The following KCNQ5 variants were observed in gnomAD, a reference collection of about 807,000 sequenced individuals.
KCNQ5 encodes potassium voltage-gated channel subfamily Q member 5.
KCNQ5 carries 30 observed loss-of-function variants against 98.2 expected under a neutral mutation model. That is an observed-to-expected ratio of 0.31 (90% CI 0.23 to 0.41). The LOEUF is 0.41. KCNQ5 is among the 10% of genes least tolerant of loss of function. The pLI is 1.00. For missense variants in KCNQ5, 835 were observed against 1,182.5 expected, an observed-to-expected ratio of 0.71 and a Z score of 4.31; for synonymous variants, 458 against 449.4, an observed-to-expected ratio of 1.02 and a Z score of -0.24.
chr6:72,631,717 A>G (rs2098920882), intron 1 of KCNQ5, among the ~76,000 whole-genome samples: 2 of 152,246 alleles, frequency 1.3e-5, no homozygotes, highest in African/African-American at 4.8e-5. Flanking sequence ...TATTTAGGCC[A>G]TATGTTCACT....
At chr6:73,055,342 G>A (rs1402179628) in intron 3 of KCNQ5, 6 of 1,437,550 alleles carry the variant, frequency 4.2e-6, no homozygotes, top group Non-Finnish European at 4.9e-6. Context: ...TGAGGACTTG[G>A]CGCCTCAATG....
In KCNQ5 at chr6:73,046,589, T is replaced by C. The variant is rs370073387; in HGVS notation, c.616+4527T>C. 2.0e-3 allele frequency among the ~76,000 whole-genome samples: 287 copies of C among 145,456 alleles called. 2 individuals carry two copies. The highest frequency in any genetic ancestry group is 6.4e-3 in the African/African-American group (258 of 40,430). The stretch of plus-strand genomic sequence containing the variant: ...TAATGTCCTTATTTATTTTATTTTA[T>C]TTTACTTTACTTTATTTTATTCTAT... On this transcript the variant is annotated intron_variant, in intron 3 of 13. Coordinates refer to ENST00000370398, the MANE Select transcript of KCNQ5 (RefSeq NM_019842.4).
At chr6:72,949,286 T>C (rs1562087603) in intron 1 of KCNQ5, among the ~76,000 whole-genome samples, 1 of 152,196 alleles carries the variant, frequency 6.6e-6, no homozygotes, top group Non-Finnish European at 1.5e-5. Context: ...TTGGCTCTCA[T>C]GGTCTAGGCC....
chr6:72,919,338 C>T (rs1780293761), intron 1 of KCNQ5, among the ~76,000 whole-genome samples: 2 of 152,166 alleles, frequency 1.3e-5, no homozygotes, highest in South Asian at 4.1e-4. Flanking sequence ...CTATTGCCAC[C>T]TATGCTGTGT....
At chr6:72,674,334 T>C (rs1032170302) in intron 1 of KCNQ5, among the ~76,000 whole-genome samples, 1 of 152,118 alleles carries the variant, frequency 6.6e-6, no homozygotes, top group African/African-American at 2.4e-5. Context: ...TGGAGATCCT[T>C]AAGAAAGTGG....
At chr6:73,028,679 T>A (rs540155808) in intron 2 of KCNQ5, among the ~76,000 whole-genome samples, 2 of 152,376 alleles carry the variant, frequency 1.3e-5, no homozygotes, top group South Asian at 4.1e-4. Context: ...AGACTCTTAG[T>A]TCTGAATAGA....
intron 1 of KCNQ5, among the ~76,000 whole-genome samples, chr6:72,664,370 C>G (rs868181530): frequency 3.3e-5 from 5 of 152,020 alleles, no homozygotes; most frequent in South Asian, 2.1e-4. Flanking sequence ...ATTTGGAAAT[C>G]AGGCCGGGTG....
chr6:72,786,959 T>C (rs1298312877), intron 1 of KCNQ5, among the ~76,000 whole-genome samples: 4 of 143,206 alleles, frequency 2.8e-5, no homozygotes, highest in Non-Finnish European at 3.0e-5. Context: ...GAGCCGAGAT[T>C]GTGCCACTGT....
chr6:72,793,095 G>A (rs763744287), intron 1 of KCNQ5, among the ~76,000 whole-genome samples: 5 of 152,162 alleles, frequency 3.3e-5, no homozygotes, highest in South Asian at 2.1e-4. Context: ...TCTACAGTGC[G>A]TAGGGCATTT....
intron 1 of KCNQ5, among the ~76,000 whole-genome samples, chr6:72,879,126 T>C (rs553774606): frequency 6.6e-6 from 1 of 152,314 alleles, no homozygotes; most frequent in African/African-American, 2.4e-5. Context: ...CTCTGGGGTC[T>C]AAATCCAGAA....
chr6:72,897,802 G>A, intron 1 of KCNQ5, among the ~76,000 whole-genome samples: 1 of 152,146 alleles, frequency 6.6e-6, no homozygotes, highest in Non-Finnish European at 1.5e-5. Context: ...GGGGATGGGG[G>A]CCAGTGGAAG....
intron 1 of KCNQ5, among the ~76,000 whole-genome samples, chr6:72,732,291 GC>G (rs1268046858): frequency 2.0e-5 from 3 of 152,124 alleles, no homozygotes; most frequent in Non-Finnish European, 2.9e-5. Flanking sequence ...ACCTGAGGAA[GC>G]CTGAGTAGGG....
In KCNQ5 at chr6:72,666,086, C is replaced by A. The variant is rs1178160673; in HGVS notation, c.398+43499C>A. Among the ~76,000 whole-genome samples the A allele has an allele frequency of 3.9e-5, 6 of 152,166 alleles. No homozygotes were observed. In the East Asian group the frequency reaches 1.2e-3, roughly 29 times the overall value. ...TGTGGGAGTAAAATAGGAGTAATTT[C>A]ATAGCTTCTCCGTATAATTGCACTG... On this transcript the variant is annotated intron_variant, in intron 1 of 13. Transcript: ENST00000370398.
chr6:72,888,362 G>A (rs1199416065), intron 1 of KCNQ5, among the ~76,000 whole-genome samples: 1 of 152,160 alleles, frequency 6.6e-6, no homozygotes, highest in Non-Finnish European at 1.5e-5. Context: ...GAAACTGCAA[G>A]TACTTTAATA....
intron 1 of KCNQ5, among the ~76,000 whole-genome samples, chr6:72,859,491 C>T (rs996147127): frequency 3.0e-4 from 45 of 152,092 alleles, no homozygotes; most frequent in African/African-American, 1.1e-3. Flanking sequence ...ATCTTTGCTT[C>T]TCCTAAAATG....
chr6:72,954,554 TG>T (rs1307773107), intron 1 of KCNQ5, among the ~76,000 whole-genome samples: 43 of 151,942 alleles, frequency 2.8e-4, no homozygotes, highest in South Asian at 8.3e-4. Flanking sequence ...TGTGTGTGTG[TG>T]TGTGTGTGTT....
intron 1 of KCNQ5, among the ~76,000 whole-genome samples, chr6:72,626,883 G>A (rs776789082): frequency 6.6e-6 from 1 of 152,216 alleles, no homozygotes; most frequent in Non-Finnish European, 1.5e-5. Context: ...TCACCAGTCT[G>A]ACATGTGGTA....
At chr6:72,774,167 T>C (rs192182993) in intron 1 of KCNQ5, among the ~76,000 whole-genome samples, 48 of 152,286 alleles carry the variant, frequency 3.2e-4, no homozygotes, top group East Asian at 2.5e-3. Flanking sequence ...TCTTCTAAAA[T>C]AGGGGTTGGC....
chr6:73,162,099 G>A (rs1032801224), intron 10 of KCNQ5, among the ~76,000 whole-genome samples: 1 of 126,850 alleles, frequency 7.9e-6, no homozygotes, highest in Admixed American at 8.1e-5. Context: ...TTTTTTTTTT[G>A]TATTTTTAGT....
Sources: allele counts gnomAD v4.1 joint callset (sites outside exome capture counted in the v4.1 genomes callset), GRCh38; gene constraint gnomAD v4.1.1; transcripts MANE v1.5; gene names NCBI Gene and HGNC (gene_info 2026-07-23, HGNC 2026-07-21).